Variants in OTUD7B observed in about 807,000 individuals in gnomAD.
The protein encoded by OTUD7B is OTU deubiquitinase 7B, also known as OTU domain-containing protein 7B.
A neutral mutation model predicts 82.2 loss-of-function variants in OTUD7B; 34 were observed. The ratio of observed to expected loss-of-function variants is 0.41; its 90% CI spans 0.31 to 0.55. The LOEUF (loss-of-function observed/expected upper bound fraction) is 0.55, where lower values mean the gene tolerates loss of function less well. OTUD7B is among the 20% of genes least tolerant of loss of function. OTUD7B has a pLI of 0.20. For synonymous variants in OTUD7B, 398 were observed against 402.7 expected, an observed-to-expected ratio of 0.99 and a Z score of 0.14; for missense variants, 944 against 1,062.1, an observed-to-expected ratio of 0.89 and a Z score of 1.55.
At chr1:149,989,844 C>T (rs782042071) in intron 1 of OTUD7B, among the ~76,000 whole-genome samples, 12 of 630 alleles carry the variant, frequency 0.019, no homozygotes, top group Non-Finnish European at 0.027. Flanking sequence ...TTATTACTAT[C>T]GTCATTTTTA....
At chr1:149,963,901 C>A in intron 6 of OTUD7B, 1 of 226,858 alleles carries the variant, frequency 4.4e-6, no homozygotes, top group Non-Finnish European at 8.7e-6. Context: ...AGCAAAAAAA[C>A]AAAACAATAC....
chr1:150,020,043 A>G, the OTUD7B span, among the ~76,000 whole-genome samples: 1 of 152,212 alleles, frequency 6.6e-6, no homozygotes, highest in African/African-American at 2.4e-5. Flanking sequence ...AGAGAGGATC[A>G]CTTGAGCCAG....
chr1:150,017,238 A>T, the OTUD7B span, among the ~76,000 whole-genome samples: 2,082 of 152,312 alleles, frequency 0.014, 16 homozygotes, highest in Non-Finnish European at 0.022. Context: ...CCCTGCCTCC[A>T]GGCCCTAAAA....
At chr1:149,993,140 GTC>G (rs1651705437) in intron 1 of OTUD7B, among the ~76,000 whole-genome samples, 1 of 151,980 alleles carries the variant, frequency 6.6e-6, no homozygotes, top group South Asian at 2.1e-4. Context: ...AACAGAGACT[GTC>G]TCAAAAAAAA....
intron 2 of OTUD7B, among the ~76,000 whole-genome samples, chr1:149,975,321 C>T (rs1290410388): frequency 2.0e-5 from 3 of 152,232 alleles, no homozygotes; most frequent in Non-Finnish European, 4.4e-5. Flanking sequence ...TGTGTGCACA[C>T]ATGTGAGCAT....
chr1:150,048,751 C>T, the OTUD7B span, among the ~76,000 whole-genome samples: 1 of 151,940 alleles, frequency 6.6e-6, no homozygotes, highest in East Asian at 1.9e-4. Context: ...TGGATATAAA[C>T]AAAGAAAATG....
Position 149,967,435 on chromosome 1 carries a change from C to G in OTUD7B, c.361G>C (p.Gly121Arg), listed in dbSNP as rs372664948. 63 of 1,614,068 alleles carry G rather than the reference C, an allele frequency of 3.9e-5. No individual in the cohort carries two copies. In the East Asian group the frequency reaches 6.2e-4, roughly 16 times the overall value. ...RSHVSSNGGG[G>R]GSNEHPLEMP... The stretch of plus-strand genomic sequence containing the variant: ...TCCAGGGGGTGCTCATTGCTCCCCC[C>G]ACCCCCACCATTGGAGGAGACATGG... Residue 121 changes from glycine to arginine, a missense_variant, in exon 4 of 12, where the codon GGG (glycine) becomes CGG (arginine). Physicochemically the swap from Gly to Arg is moderately radical, Grantham distance 125. Transcript: ENST00000581312.
Position 149,941,704 on chromosome 1 carries a change from T to TA in OTUD7B, c.*2152dup, listed in dbSNP as rs1293140533. 2 of 152,256 alleles carry TA rather than the reference T, an allele frequency of 1.3e-5. No homozygotes were observed. Among genetic ancestry groups the TA allele is most frequent in the Non-Finnish European group, 2.9e-5 (2 of 68,048 alleles). 9.4% of individuals were successfully genotyped at this position (152,256 alleles called of 1,614,324 possible). ...CAATTCAGCCTCACTTCCCTCCTCCTAATCTCAGTCCTGTCAGATCCTGTA... is the reference window on the plus strand; with the variant it reads ...CAATTCAGCCTCACTTCCCTCCTCCTAAATCTCAGTCCTGTCAGATCCTGTA... On this transcript the variant is annotated 3_prime_UTR_variant, in exon 12 of 12. Coordinates refer to ENST00000581312, the MANE Select transcript of OTUD7B (RefSeq NM_020205.4).
At chr1:150,054,969 C>A in the OTUD7B span, 1 of 333,510 alleles carries the variant, frequency 3.0e-6, no homozygotes, top group South Asian at 2.8e-5. Context: ...TTCCTCAGCT[C>A]CAGGGCTACC....
intron 2 of OTUD7B, 44 bp from the exon 3 acceptor site, chr1:149,971,295 TAG>T: frequency 1.4e-6 from 2 of 1,405,348 alleles, no homozygotes; most frequent in Non-Finnish European, 2.0e-6. Flanking sequence ...AACCATAGTA[TAG>T]AGACACAAAG....
rs1647320458 is a variant in OTUD7B at position 149,942,432 on chromosome 1, G to C, written c.*1425C>G. The C allele has an allele frequency of 6.6e-6, 1 of 152,566 alleles. No homozygotes were observed. Among genetic ancestry groups the C allele is most frequent in the Non-Finnish European group, 1.5e-5 (1 of 68,038 alleles). 9.5% of individuals were successfully genotyped at this position (152,566 alleles called of 1,614,324 possible). On this transcript the variant is annotated 3_prime_UTR_variant, in exon 12 of 12. Coordinates refer to ENST00000581312, the MANE Select transcript of OTUD7B (RefSeq NM_020205.4). ...TTCAGACTTGTGCTTTGTGCAAAAT[G>C]CGAAGGAGCTCCCCCTACTGTGTCC...
At chr1:149,952,204 C>T (rs1023455053) in intron 7 of OTUD7B, among the ~76,000 whole-genome samples, 11 of 142,240 alleles carry the variant, frequency 7.7e-5, no homozygotes, top group Admixed American at 2.1e-4. Flanking sequence ...CCCCCCTCCC[C>T]CAACTCCACA....
In OTUD7B at chr1:149,992,472, T is replaced by TTTTTG. The variant is rs1651645866; in HGVS notation, c.-66-14897_-66-14896insCAAAA. Among the ~76,000 whole-genome samples, 3 of 1,576 alleles carry TTTTTG rather than the reference T, an allele frequency of 1.9e-3. No individual in the cohort carries two copies. The Non-Finnish European group carries it at 0.071, about 38-fold the overall frequency. The allele number at this position is 1,576 out of a possible 152,430, so 1.0% of individuals were successfully genotyped here. Reference sequence around the variant, plus strand: ...AAATTGTTTTGTGTGCATGTGTTTTTTTTTTTTTTTTTTTTTTTTTTAGTA... The same window carrying TTTTTG: ...AAATTGTTTTGTGTGCATGTGTTTTTTTTTGTTTTTTTTTTTTTTTTTTTTTAGTA... On this transcript the variant is annotated intron_variant, in intron 1 of 11. Coordinates refer to ENST00000581312, the MANE Select transcript of OTUD7B (RefSeq NM_020205.4).
intron 7 of OTUD7B, among the ~76,000 whole-genome samples, chr1:149,951,803 T>C (rs1377351327): frequency 2.0e-5 from 3 of 152,170 alleles, no homozygotes; most frequent in African/African-American, 7.2e-5. Flanking sequence ...AATTTCAAAA[T>C]TTTAAACATA....
intron 6 of OTUD7B, 46 bp from the exon 7 acceptor site, chr1:149,959,842 T>C (rs374127799): frequency 3.3e-5 from 41 of 1,238,006 alleles, no homozygotes; most frequent in Admixed American, 1.0e-4. Flanking sequence ...AGAGGCTGGG[T>C]TCTAAGAGGC....
At chr1:150,011,478 A>G (rs1653059556), upstream of OTUD7B, among the ~76,000 whole-genome samples, 1 of 152,246 alleles carries the variant, frequency 6.6e-6, no homozygotes. Context: ...TTAGTAAAAT[A>G]CATAAAACTA....
chr1:149,958,833 C>G (rs1442924066), intron 7 of OTUD7B, among the ~76,000 whole-genome samples: 1 of 151,942 alleles, frequency 6.6e-6, no homozygotes, highest in East Asian at 1.9e-4. Context: ...CAGCCTCGAC[C>G]TCCCCAGCTC....
chr1:149,970,297 C>CTT (rs1335360534), intron 3 of OTUD7B, among the ~76,000 whole-genome samples: 1 of 148,030 alleles, frequency 6.8e-6, no homozygotes, highest in African/African-American at 2.5e-5. Flanking sequence ...TTATGTATTT[C>CTT]TTTTTTTAAT....
the OTUD7B span, among the ~76,000 whole-genome samples, chr1:150,043,324 A>AT: frequency 6.6e-6 from 1 of 152,214 alleles, no homozygotes; most frequent in Non-Finnish European, 1.5e-5. Context: ...CATATAAAGA[A>AT]TTTTAAAGGA....
Sources: gnomAD v4.1 joint callset for allele counts (sites outside exome capture counted in the v4.1 genomes callset) on GRCh38, gnomAD v4.1.1 for gene constraint, MANE v1.5 for transcripts, NCBI Gene and HGNC (gene_info 2026-07-23, HGNC 2026-07-21) for gene names.